The following PCDHGB4 variants were observed in gnomAD, a reference collection of about 807,000 sequenced individuals.
PCDHGB4 encodes protocadherin gamma subfamily B, 4.
In PCDHGB4, 38 loss-of-function variants were observed where a neutral mutation model predicts 60.5. The ratio of observed to expected loss-of-function variants is 0.63; its 90% CI spans 0.48 to 0.82. The LOEUF (loss-of-function observed/expected upper bound fraction) is 0.82. Ranked by LOEUF, PCDHGB4 falls within the 40% of genes least tolerant of loss-of-function variation. The pLI, the probability that PCDHGB4 is intolerant of heterozygous loss-of-function variation, is 0.00. For synonymous variants in PCDHGB4, 456 were observed against 509.7 expected, an observed-to-expected ratio of 0.89 and a Z score of 1.42; for missense variants, 1,109 against 1,209.6, an observed-to-expected ratio of 0.92 and a Z score of 1.23.
At chr5:141,423,990 T>A (rs2096793990) in intron 1 of PCDHGB4, 2 of 1,090,000 alleles carry the variant, frequency 1.8e-6, no homozygotes, top group East Asian at 1.1e-4. Flanking sequence ...GCTCTCAATT[T>A]ATTATATATA....
chr5:141,413,881 G>C (rs774026375), intron 1 of PCDHGB4: 5 of 1,613,400 alleles, frequency 3.1e-6, no homozygotes, highest in Non-Finnish European at 4.2e-6. Context: ...CAGTGTGACT[G>C]TCTTCGATGC....
At chr5:141,426,423 G>T in intron 1 of PCDHGB4, 1 of 290,954 alleles carries the variant, frequency 3.4e-6, no homozygotes, top group Non-Finnish European at 6.8e-6. Context: ...AGGGCTCCGT[G>T]GTGGGGAACC....
chr5:141,501,412 T>C (rs1479005426), intron 2 of PCDHGB4, among the ~76,000 whole-genome samples: 7 of 151,550 alleles, frequency 4.6e-5, no homozygotes, highest in African/African-American at 1.7e-4. Context: ...GCTTGGAAAA[T>C]AGTTGACTAA....
In PCDHGB4 at chr5:141,511,342, C is replaced by G. The variant is rs2099883728; in HGVS notation, c.*169C>G. The stretch of plus-strand genomic sequence containing the variant: ...AACAAGTGCCCAGTCAGCACCTACC[C>G]CTTCCCCCCCAGGGGGTTGAATATG... On this transcript the variant is annotated 3_prime_UTR_variant, in exon 4 of 4. Coordinates refer to ENST00000519479, the MANE Select transcript of PCDHGB4 (RefSeq NM_003736.4). 1 of 1,424,960 alleles carries G rather than the reference C, an allele frequency of 7.0e-7. No homozygotes were observed. Among genetic ancestry groups the G allele is most frequent in the Admixed American group, 2.6e-5 (1 of 38,556 alleles). 88.3% of individuals were successfully genotyped at this position (1,424,960 alleles called of 1,614,324 possible).
In PCDHGB4 at chr5:141,477,718, A is replaced by G; in HGVS notation, c.2398-17089A>G. 6.2e-7 allele frequency: 1 copy of G among 1,613,928 alleles called. No homozygotes were observed. The highest frequency in any genetic ancestry group is 8.5e-7 in the Non-Finnish European group (1 of 1,180,034). On this transcript the variant is annotated intron_variant, in intron 1 of 3. Coordinates refer to ENST00000519479, the MANE Select transcript of PCDHGB4 (RefSeq NM_003736.4). The surrounding 1 kb of genome is among the most constrained non-coding windows in gnomAD (Gnocchi z 4.9). ...ACTATGAGGATCGGCGGGAATTTGA[A>G]TTAACAGCTCATATCAGCGATGGGG...
rs752145084 is a variant in PCDHGB4 at position 141,489,550 on chromosome 5, C to T, written c.2398-5257C>T. On this transcript the variant is annotated intron_variant, in intron 1 of 3. Coordinates refer to ENST00000519479, the MANE Select transcript of PCDHGB4 (RefSeq NM_003736.4). This position sits in a 1 kb window ranked among gnomAD's most constrained non-coding sequence, Gnocchi z 4.5. ...ATGTGGAGCCAGCACCAGCTGCCTGCTGCCAGTGCAGGTGGTGACTGAACA... is the reference window on the plus strand; with the variant it reads ...ATGTGGAGCCAGCACCAGCTGCCTGTTGCCAGTGCAGGTGGTGACTGAACA... The T allele has an allele frequency of 1.2e-6, 2 of 1,614,132 alleles. No homozygotes were observed. The highest frequency in any genetic ancestry group is 1.7e-5 in the Admixed American group (1 of 60,030).
Position 141,432,010 on chromosome 5 carries a change from CT to C in PCDHGB4, c.2397+41730del. The C allele has an allele frequency of 6.2e-7, 1 of 1,614,068 alleles. No individual in the cohort carries two copies. Among genetic ancestry groups the C allele is most frequent in the Non-Finnish European group, 8.5e-7 (1 of 1,180,022 alleles). ...TCTTGGATAGGGAACAGGTTCCTAG[CT>C]ACAACATCACAGTGACCGCCACTGA... On this transcript the variant is annotated intron_variant, in intron 1 of 3. Coordinates refer to ENST00000519479, the MANE Select transcript of PCDHGB4 (RefSeq NM_003736.4). This position sits in a 1 kb window ranked among gnomAD's most constrained non-coding sequence, Gnocchi z 6.0.
At chr5:141,462,217 C>T (rs1469685983) in intron 1 of PCDHGB4, among the ~76,000 whole-genome samples, 1 of 152,216 alleles carries the variant, frequency 6.6e-6, no homozygotes, top group South Asian at 2.1e-4. Flanking sequence ...GCCTCGGCCT[C>T]CCAAAGTGCA....
At chr5:141,393,730 G>A in intron 1 of PCDHGB4, 1 of 1,613,842 alleles carries the variant, frequency 6.2e-7, no homozygotes, top group Non-Finnish European at 8.5e-7. Context: ...ATAGCAAAAA[G>A]TCTAGATTAT....
chr5:141,400,044 G>C lies in PCDHGB4; in HGVS notation c.2397+9763G>C, dbSNP rs745775469. 4 of 1,613,556 alleles carry C rather than the reference G, an allele frequency of 2.5e-6. No homozygotes were observed. In the South Asian group the frequency reaches 4.4e-5, roughly 18 times the overall value. On this transcript the variant is annotated intron_variant, in intron 1 of 3. Coordinates refer to ENST00000519479, the MANE Select transcript of PCDHGB4 (RefSeq NM_003736.4). ...GGGACGCGGCCCGCCAGCGCCTGCT[G>C]GTTGCTGTGCGTGATGGTGGACAGC...
intron 1 of PCDHGB4, chr5:141,404,430 A>G (rs917902438): frequency 6.2e-7 from 1 of 1,613,298 alleles, no homozygotes; most frequent in African/African-American, 1.3e-5. Context: ...TCCTTGGCAG[A>G]GGATACCATC....
rs1344998245 is a variant in PCDHGB4 at position 141,400,678 on chromosome 5, T to C, written c.2397+10397T>C. 7.9e-6 allele frequency: 7 copies of C among 881,884 alleles called. No homozygotes were observed. The East Asian group carries it at 1.5e-4, about 19-fold the overall frequency. The allele number at this position is 881,884 out of a possible 1,614,324, so 54.6% of individuals were successfully genotyped here. On this transcript the variant is annotated intron_variant, in intron 1 of 3. Coordinates refer to ENST00000519479, the MANE Select transcript of PCDHGB4 (RefSeq NM_003736.4). ...ACCATTCTTTAAGAGGAGCAGTAAA[T>C]TGTGAGTTTTTATGTCGCATAAAAG...
chr5:141,422,030 C>G, intron 1 of PCDHGB4: 1 of 1,609,592 alleles, frequency 6.2e-7, no homozygotes, highest in African/African-American at 1.3e-5. Flanking sequence ...GTTAATGCAA[C>G]GGATCCAGAC....
At chr5:141,424,901 C>G (rs2096846997) in intron 1 of PCDHGB4, among the ~76,000 whole-genome samples, 1 of 152,134 alleles carries the variant, frequency 6.6e-6, no homozygotes, top group African/African-American at 2.4e-5. Context: ...TTTTTGATCA[C>G]AGGAATCATT....
chr5:141,414,659 T>C lies in PCDHGB4; in HGVS notation c.2397+24378T>C, dbSNP rs566999623. On this transcript the variant is annotated intron_variant, in intron 1 of 3. Coordinates refer to ENST00000519479, the MANE Select transcript of PCDHGB4 (RefSeq NM_003736.4). ...GAGAATGCCCAGATTATTTACTCCC[T>C]GGCTGAAGACACCATCCAGGGGGTA... 21 of 1,614,010 alleles carry C rather than the reference T, an allele frequency of 1.3e-5. No homozygotes were observed. In the South Asian group the frequency reaches 2.2e-4, roughly 17 times the overall value.
intron 1 of PCDHGB4, chr5:141,410,258 G>T: frequency 6.2e-7 from 1 of 1,614,022 alleles, no homozygotes; most frequent in Non-Finnish European, 8.5e-7. Flanking sequence ...TGACCCCCAG[G>T]CTGAACTGCA....
chr5:141,500,444 C>T (rs1032064705), intron 2 of PCDHGB4, among the ~76,000 whole-genome samples: 3 of 151,370 alleles, frequency 2.0e-5, no homozygotes, highest in African/African-American at 4.9e-5. Context: ...CTCCTGACCT[C>T]GTGATCCGCC....
chr5:141,450,733 C>T (rs886761152), intron 1 of PCDHGB4, among the ~76,000 whole-genome samples: 24 of 152,198 alleles, frequency 1.6e-4, no homozygotes, highest in African/African-American at 5.3e-4. Context: ...GTGATCCGCC[C>T]GCCTTGGCCT....
intron 1 of PCDHGB4, among the ~76,000 whole-genome samples, chr5:141,474,266 G>A (rs1420620306): frequency 6.6e-6 from 1 of 152,186 alleles, no homozygotes; most frequent in Non-Finnish European, 1.5e-5. Context: ...ATAAACCAGT[G>A]TATCTCTGAA....
Sources: gnomAD v4.1 joint callset for allele counts (sites outside exome capture counted in the v4.1 genomes callset) on GRCh38, gnomAD v4.1.1 for gene constraint, Gnocchi (gnomAD v3.1) non-coding constraint, MANE v1.5 for transcripts, NCBI Gene and HGNC (gene_info 2026-07-23, HGNC 2026-07-21) for gene names.